The following C19orf47 variants were observed in gnomAD, a reference collection of about 807,000 sequenced individuals.
C19orf47 encodes chromosome 19 open reading frame 47.
C19orf47 carries 18 observed loss-of-function variants against 32.3 expected under a neutral mutation model. The ratio of observed to expected loss-of-function variants is 0.56; its 90% CI spans 0.39 to 0.83. The LOEUF (loss-of-function observed/expected upper bound fraction) is 0.83. C19orf47 is among the 40% of genes least tolerant of loss of function. The pLI is 0.00. For synonymous variants in C19orf47, 202 were observed against 211.1 expected (o/e 0.96, Z 0.37); for missense variants, 484 against 531.6 (o/e 0.91, Z 0.88).
chr19:40,347,347 T>C (rs945556449), intron 1 of C19orf47, among the ~76,000 whole-genome samples: 1 of 151,846 alleles, frequency 6.6e-6, no homozygotes, highest in Non-Finnish European at 1.5e-5. Context: ...CTGACCAACA[T>C]GCAGAAACCC....
the C19orf47 span, among the ~76,000 whole-genome samples, chr19:40,297,788 C>T: frequency 1.3e-5 from 2 of 150,008 alleles, no homozygotes; most frequent in African/African-American, 2.5e-5. Context: ...GCAGGAGAAT[C>T]GCTTGAACCT....
intron 2 of C19orf47, among the ~76,000 whole-genome samples, chr19:40,338,455 G>A (rs867843690): frequency 6.6e-5 from 10 of 151,132 alleles, no homozygotes; most frequent in East Asian, 1.9e-4. Flanking sequence ...GCGCAATCTC[G>A]GCTGACTGCA....
chr19:40,314,363 G>A, the C19orf47 span, among the ~76,000 whole-genome samples: 1 of 152,072 alleles, frequency 6.6e-6, no homozygotes, highest in East Asian at 1.9e-4. Context: ...GGAGGCGGAG[G>A]TTGTGGTGAG....
At chr19:40,345,833 A>G (rs1363943386) in intron 1 of C19orf47, among the ~76,000 whole-genome samples, 3 of 131,544 alleles carry the variant, frequency 2.3e-5, no homozygotes, top group African/African-American at 8.7e-5. Flanking sequence ...TGGGCAACAG[A>G]GCAAGACTCA....
intron 1 of C19orf47, among the ~76,000 whole-genome samples, chr19:40,344,440 C>G (rs1237963119): frequency 6.6e-6 from 1 of 152,044 alleles, no homozygotes; most frequent in Non-Finnish European, 1.5e-5. Context: ...GATCACACCA[C>G]TGCACTCTAG....
intron 2 of C19orf47, among the ~76,000 whole-genome samples, chr19:40,339,508 G>C (rs1568623981): frequency 6.6e-6 from 1 of 152,076 alleles, no homozygotes. Context: ...TCACTCTCAA[G>C]GTGAAATACT....
In C19orf47 at chr19:40,344,667, A is replaced by G. The variant is rs12609757; in HGVS notation, c.-33-2777T>C. The stretch of plus-strand genomic sequence containing the variant: ...GAGGACTATTATTAGCCCTGTTTTT[A>G]TCGATGAAAAACCCCGACTCATTGA... On this transcript the variant is annotated intron_variant, in intron 1 of 8. Coordinates refer to ENST00000683109, the MANE Select transcript of C19orf47 (RefSeq NM_001256441.2). Among the ~76,000 whole-genome samples the G allele has an allele frequency of 4.3e-4, 66 of 152,258 alleles. No homozygotes were observed. In the East Asian group the frequency reaches 0.012, roughly 27 times the overall value.
chr19:40,336,187 T>A lies in C19orf47; in HGVS notation c.145A>T (p.Ile49Leu), dbSNP rs1170391380. 6.2e-7 allele frequency: 1 copy of A among 1,614,130 alleles called. No individual in the cohort carries two copies. The change falls in exon 4 of 9, where the codon ATA (isoleucine) becomes TTA (leucine). Residue 49 changes from isoleucine (I) to leucine (L), a missense_variant. Physicochemically the swap from Ile to Leu is conservative, Grantham distance 5. This residue lies in a region of C19orf47 where 57 missense variants were observed against 86.9 expected (regional missense o/e 0.66). Transcript: ENST00000683109. ...ACGGTCACGCCCAGCTCATTCATTA[T>A]CTCCTTATTGAGATCCAGCAGCATG... ...KSMLLDLNKE[I>L]MNELGVTVVG...
chr19:40,342,875 G>A (rs1381678225), intron 1 of C19orf47, among the ~76,000 whole-genome samples: 1 of 152,158 alleles, frequency 6.6e-6, no homozygotes, highest in East Asian at 1.9e-4. Flanking sequence ...GAAGGACACT[G>A]GGAGGAGACA....
intron 5 of C19orf47, 60 bp downstream of exon 5, chr19:40,333,791 T>C: frequency 1.5e-6 from 2 of 1,357,246 alleles, no homozygotes; most frequent in South Asian, 1.4e-5. Context: ...GCCAGACGTG[T>C]CCCCTTCACT....
chr19:40,310,438 C>T, the C19orf47 span, among the ~76,000 whole-genome samples: 1 of 152,180 alleles, frequency 6.6e-6, no homozygotes, highest in African/African-American at 2.4e-5. Context: ...GCCACCACAC[C>T]CCGCTAATTT....
At chr19:40,325,812 G>A (rs756893915) in intron 7 of C19orf47, among the ~76,000 whole-genome samples, 44 of 152,118 alleles carry the variant, frequency 2.9e-4, no homozygotes, top group Non-Finnish European at 5.7e-4. Context: ...ATGGGCCACC[G>A]CGCCCAGCCT....
At chr19:40,297,468 C>G in the C19orf47 span, among the ~76,000 whole-genome samples, 2 of 151,830 alleles carry the variant, frequency 1.3e-5, no homozygotes, top group African/African-American at 2.4e-5. Flanking sequence ...CTTGGGAGGC[C>G]GAGGTGAGTG....
chr19:40,314,972 A>C (rs1389488252), downstream of C19orf47, among the ~76,000 whole-genome samples: 1 of 152,202 alleles, frequency 6.6e-6, no homozygotes, highest in Admixed American at 6.5e-5. Flanking sequence ...GGCATCCCAT[A>C]ATATGTCTGA....
chr19:40,326,203 T>C (rs897656501), intron 7 of C19orf47, 131 bp downstream of exon 7: 74 of 1,277,194 alleles, frequency 5.8e-5, no homozygotes, highest in Non-Finnish European at 7.0e-5. Flanking sequence ...ACTGTCCCCT[T>C]GGCCTACGGC....
chr19:40,315,899 A>G (rs2077658910), downstream of C19orf47, among the ~76,000 whole-genome samples: 1 of 152,112 alleles, frequency 6.6e-6, no homozygotes, highest in Non-Finnish European at 1.5e-5. Context: ...TGGAGGCTAC[A>G]GTGAGCTGGG....
the C19orf47 span, among the ~76,000 whole-genome samples, chr19:40,304,634 G>T: frequency 5.3e-5 from 8 of 152,110 alleles, no homozygotes; most frequent in Non-Finnish European, 1.0e-4. Flanking sequence ...TGTAGCTCAG[G>T]ATGCTATATA....
Position 40,321,984 on chromosome 19 carries a change from C to T in C19orf47, c.1056G>A (p.Leu352=). ...TGGAGCTGCTCCCCCGGGGCCCCACCAGAGTCCTCTTAATGGTGACCTTGA... is the reference window on the plus strand; with the variant it reads ...TGGAGCTGCTCCCCCGGGGCCCCACTAGAGTCCTCTTAATGGTGACCTTGA... ...AEVKVTIKRT[L]VGPRGSSSSE... Residue 352 remains leucine, a synonymous_variant, in exon 9 of 9, where the codon CTG becomes CTA. Transcript: ENST00000683109. 6.2e-7 allele frequency: 1 copy of T among 1,614,032 alleles called. No individual in the cohort carries two copies. Among genetic ancestry groups the T allele is most frequent in the Non-Finnish European group, 8.5e-7 (1 of 1,179,940 alleles).
downstream of C19orf47, among the ~76,000 whole-genome samples, chr19:40,317,730 T>G (rs1448043682): frequency 2.0e-5 from 3 of 150,980 alleles, no homozygotes; most frequent in East Asian, 5.8e-4. Flanking sequence ...TTTTTTTTGT[T>G]TTTTTTTTTG....
Sources: allele counts gnomAD v4.1 joint callset (sites outside exome capture counted in the v4.1 genomes callset), GRCh38; gene constraint gnomAD v4.1.1; regional missense constraint gnomAD v4.1.1; transcripts MANE v1.5; gene names NCBI Gene and HGNC (gene_info 2026-07-23, HGNC 2026-07-21).